TMEM132D: variants seen among roughly 807,000 people sequenced by gnomAD.
The protein encoded by TMEM132D is transmembrane protein 132D.
Under a neutral mutation model 62.3 loss-of-function variants are expected in TMEM132D, and 21 were observed. The observed-to-expected ratio is 0.34, with a 90% CI of 0.24 to 0.49. TMEM132D has a LOEUF of 0.49. Ranked by LOEUF, TMEM132D falls within the 20% of genes least tolerant of loss-of-function variation. The pLI, the probability that TMEM132D is intolerant of heterozygous loss-of-function variation, is 0.99. For synonymous variants in TMEM132D, 621 were observed against 575.6 expected, an observed-to-expected ratio of 1.08 and a Z score of -1.13; for missense variants, 1,346 against 1,402.8, an observed-to-expected ratio of 0.96 and a Z score of 0.65.
At chr12:129,428,551 G>A (rs1418245981) in intron 3 of TMEM132D, among the ~76,000 whole-genome samples, 1 of 152,138 alleles carries the variant, frequency 6.6e-6, no homozygotes, top group Non-Finnish European at 1.5e-5. Flanking sequence ...CAGAGACTTT[G>A]ATTTTTTATT....
intron 3 of TMEM132D, among the ~76,000 whole-genome samples, chr12:129,465,515 T>C (rs1028008149): frequency 3.3e-5 from 5 of 152,192 alleles, no homozygotes; most frequent in Non-Finnish European, 5.9e-5. Context: ...TTGTCCCTGT[T>C]TGCAGATGAC....
intron 3 of TMEM132D, among the ~76,000 whole-genome samples, chr12:129,369,857 T>C (rs1026976403): frequency 4.6e-5 from 7 of 152,230 alleles, no homozygotes; most frequent in Non-Finnish European, 8.8e-5. Context: ...TTTCGCATGC[T>C]TGTAAGCTCT....
intron 3 of TMEM132D, among the ~76,000 whole-genome samples, chr12:129,378,326 G>A (rs926688433): frequency 5.9e-5 from 9 of 152,152 alleles, no homozygotes; most frequent in African/African-American, 2.2e-4. Flanking sequence ...TTCCAACGTT[G>A]ATCAAAGCAA....
At chr12:129,697,103 A>G (rs1046300169) in intron 2 of TMEM132D, among the ~76,000 whole-genome samples, 1 of 152,324 alleles carries the variant, frequency 6.6e-6, no homozygotes, top group African/African-American at 2.4e-5. Context: ...GGGGAGGTGT[A>G]CAGTGGGTGG....
At chr12:129,691,346 A>T (rs1194782269) in intron 2 of TMEM132D, among the ~76,000 whole-genome samples, 2 of 151,950 alleles carry the variant, frequency 1.3e-5, no homozygotes, top group South Asian at 2.1e-4. Flanking sequence ...AAAAAAATCA[A>T]TGAAATTGAA....
In TMEM132D at chr12:129,646,311, C is replaced by T. The variant is rs920602925; in HGVS notation, c.968+53499G>A. Among the ~76,000 whole-genome samples, 7 of 152,100 alleles carry T rather than the reference C, an allele frequency of 4.6e-5. 1 individual carries two copies. The highest frequency in any genetic ancestry group is 1.4e-4 in the African/African-American group (6 of 41,412). Reference sequence around the variant, plus strand: ...ATTATTTTACCCACTTTGCAGAGGGCGATGCAGTATGTCCAAGAGGATAAG... The same window carrying T: ...ATTATTTTACCCACTTTGCAGAGGGTGATGCAGTATGTCCAAGAGGATAAG... On this transcript the variant is annotated intron_variant, in intron 2 of 8. Coordinates refer to ENST00000422113, the MANE Select transcript of TMEM132D (RefSeq NM_133448.3).
intron 5 of TMEM132D, among the ~76,000 whole-genome samples, chr12:129,136,367 G>C (rs932829954): frequency 5.3e-5 from 8 of 151,918 alleles, no homozygotes; most frequent in Non-Finnish European, 1.2e-4. Context: ...TTCAATCTGG[G>C]GCTGTTCCTC....
chr12:129,889,197 T>C (rs78762208), intron 1 of TMEM132D, among the ~76,000 whole-genome samples: 3 of 152,184 alleles, frequency 2.0e-5, no homozygotes, highest in African/African-American at 7.2e-5. Flanking sequence ...GCCATTTTTG[T>C]CCCCAGAATC....
At chr12:129,177,871 A>G (rs1877948808) in intron 5 of TMEM132D, among the ~76,000 whole-genome samples, 2 of 152,142 alleles carry the variant, frequency 1.3e-5, no homozygotes, top group Admixed American at 1.3e-4. Flanking sequence ...CCCATCACCT[A>G]GCTATTAAGC....
chr12:129,503,113 GA>G (rs1470134411), intron 3 of TMEM132D, among the ~76,000 whole-genome samples: 1 of 152,238 alleles, frequency 6.6e-6, no homozygotes, highest in African/African-American at 2.4e-5. Flanking sequence ...CAGTACTGCA[GA>G]AAATTTATAA....
rs150736136 is a variant in TMEM132D at position 129,719,373 on chromosome 12, C to T, written c.80-18675G>A. ...AATTCAGCTCAGTAATATAAAAATA[C>T]ATTTCCTTGAATGGAAAAAAATATT... On this transcript the variant is annotated intron_variant, in intron 1 of 8. Coordinates refer to ENST00000422113, the MANE Select transcript of TMEM132D (RefSeq NM_133448.3). Among the ~76,000 whole-genome samples the T allele has an allele frequency of 3.3e-3, 510 of 152,282 alleles. 13 individuals carry two copies. Among genetic ancestry groups the T allele is most frequent in the Admixed American group, 0.026 (392 of 15,292 alleles).
intron 3 of TMEM132D, among the ~76,000 whole-genome samples, chr12:129,342,319 T>C (rs1010732247): frequency 6.6e-5 from 10 of 152,086 alleles, no homozygotes; most frequent in African/African-American, 1.9e-4. Context: ...AAACAAGCAA[T>C]GGGGAAAGGA....
intron 1 of TMEM132D, among the ~76,000 whole-genome samples, chr12:129,828,397 G>T (rs1219098143): frequency 1.5e-5 from 2 of 132,108 alleles, no homozygotes; most frequent in African/African-American, 2.6e-5. Flanking sequence ...TAGAAATTAT[G>T]TAAGTATTAT....
At chr12:129,253,508 T>G (rs1880323311) in intron 4 of TMEM132D, among the ~76,000 whole-genome samples, 1 of 152,200 alleles carries the variant, frequency 6.6e-6, no homozygotes, top group African/African-American at 2.4e-5. Context: ...GTAATTAAGT[T>G]GAGTTACAGA....
rs1465969977 is a variant in TMEM132D at position 129,081,987 on chromosome 12, G to A, written c.1695C>T (p.Gly565=). Residue 565 remains glycine, a synonymous_variant, in exon 7 of 9, where the codon GGC becomes GGT. Transcript: ENST00000422113. ...GCTGGTACTGCAGGGTGCAGCCGCG[G>A]CCCCTCCGCTCATCATCCTCCTCCT... The part of the protein sequence containing the change: ...SEEEEDDERR[G]RGCTLQYQHA... 9.9e-6 allele frequency: 16 copies of A among 1,612,858 alleles called. No individual in the cohort carries two copies. Among genetic ancestry groups the A allele is most frequent in the East Asian group, 2.2e-5 (1 of 44,846 alleles).
At chr12:129,374,659 C>A (rs548012116) in intron 3 of TMEM132D, among the ~76,000 whole-genome samples, 1 of 152,110 alleles carries the variant, frequency 6.6e-6, no homozygotes, top group African/African-American at 2.4e-5. Context: ...AGAGGCTGCC[C>A]GTGAGTACTT....
chr12:129,155,586 G>T (rs976436823), intron 5 of TMEM132D, among the ~76,000 whole-genome samples: 6 of 152,180 alleles, frequency 3.9e-5, no homozygotes, highest in Non-Finnish European at 7.3e-5. Flanking sequence ...AGTTCTTGAG[G>T]CTGGGAAGCC....
At chr12:129,208,175 G>A (rs1031253973) in intron 5 of TMEM132D, among the ~76,000 whole-genome samples, 7 of 152,154 alleles carry the variant, frequency 4.6e-5, no homozygotes, top group Admixed American at 6.5e-5. Context: ...ATGCTTTGAG[G>A]TGATTGTGTC....
At chr12:129,838,844 G>A (rs1284180342) in intron 1 of TMEM132D, among the ~76,000 whole-genome samples, 2 of 152,062 alleles carry the variant, frequency 1.3e-5, no homozygotes, top group African/African-American at 4.8e-5. Flanking sequence ...CTGTTGGCAA[G>A]GGAACAAGGT....
Sources: allele counts gnomAD v4.1 joint callset (sites outside exome capture counted in the v4.1 genomes callset), GRCh38; gene constraint gnomAD v4.1.1; transcripts MANE v1.5; gene names NCBI Gene and HGNC (gene_info 2026-07-23, HGNC 2026-07-21).